Variants in SNTB1 observed in about 807,000 individuals in gnomAD.
SNTB1 encodes syntrophin beta 1.
SNTB1 carries 36 observed loss-of-function variants against 48.9 expected under a neutral mutation model. The ratio of observed to expected loss-of-function variants is 0.74; its 90% CI spans 0.56 to 0.97. The LOEUF (loss-of-function observed/expected upper bound fraction) is 0.97. SNTB1 is among the 50% of genes least tolerant of loss of function. SNTB1 has a pLI of 0.00. For synonymous variants in SNTB1, 299 were observed against 294.6 expected (o/e 1.01, Z -0.15); for missense variants, 786 against 703.4 (o/e 1.12, Z -1.33).
chr8:120,717,261 C>A (rs1371079794), intron 1 of SNTB1, among the ~76,000 whole-genome samples: 2 of 152,174 alleles, frequency 1.3e-5, no homozygotes, highest in South Asian at 4.1e-4. Context: ...GCTGCCTAGG[C>A]GATATGAAAT....
At chr8:120,554,880 A>G (rs1281758773) in intron 4 of SNTB1, among the ~76,000 whole-genome samples, 1 of 152,186 alleles carries the variant, frequency 6.6e-6, no homozygotes, top group Non-Finnish European at 1.5e-5. Flanking sequence ...TTTTGGACTC[A>G]GGGGTACTCT....
chr8:120,708,519 A>G (rs1818414143), intron 1 of SNTB1, among the ~76,000 whole-genome samples: 1 of 152,104 alleles, frequency 6.6e-6, no homozygotes, highest in Non-Finnish European at 1.5e-5. Flanking sequence ...AAAATTGCCC[A>G]TCCATTTTCC....
At chr8:120,669,287 C>T (rs1344258395) in intron 2 of SNTB1, among the ~76,000 whole-genome samples, 1 of 152,192 alleles carries the variant, frequency 6.6e-6, no homozygotes, top group Non-Finnish European at 1.5e-5. Context: ...ATTAATTTCA[C>T]TAGCACCATC....
intron 1 of SNTB1, among the ~76,000 whole-genome samples, chr8:120,766,098 C>T (rs1444391754): frequency 6.6e-6 from 1 of 152,124 alleles, no homozygotes; most frequent in Non-Finnish European, 1.5e-5. Context: ...TATACTGGCA[C>T]TAAAGAACTG....
chr8:120,656,591 T>C (rs565810044), intron 2 of SNTB1, among the ~76,000 whole-genome samples: 16 of 152,348 alleles, frequency 1.1e-4, no homozygotes, highest in East Asian at 9.6e-4. Context: ...CAAGGTGCTA[T>C]GCAGGGCAAA....
intron 2 of SNTB1, among the ~76,000 whole-genome samples, chr8:120,634,937 C>T (rs1429338850): frequency 3.3e-5 from 5 of 151,684 alleles, no homozygotes; most frequent in South Asian, 2.1e-4. Context: ...CTGCAAGCTC[C>T]GCCTCCCAGG....
intron 1 of SNTB1, among the ~76,000 whole-genome samples, chr8:120,725,829 C>A (rs761202368): frequency 4.3e-4 from 66 of 152,190 alleles, no homozygotes; most frequent in Admixed American, 2.4e-3. Flanking sequence ...TCTCCCCAGA[C>A]AGGAGAGCTT....
At chr8:120,596,958 C>T (rs1309363843) in intron 3 of SNTB1, among the ~76,000 whole-genome samples, 1 of 152,188 alleles carries the variant, frequency 6.6e-6, no homozygotes, top group African/African-American at 2.4e-5. Flanking sequence ...GTGGTCCCCC[C>T]ACAAATGATG....
intron 1 of SNTB1, among the ~76,000 whole-genome samples, chr8:120,727,378 C>CTATTTACTTG (rs1818775344): frequency 6.6e-6 from 1 of 152,126 alleles, no homozygotes. Context: ...ACGTTGGGGT[C>CTATTTACTTG]AGCCAGATGA....
intron 2 of SNTB1, among the ~76,000 whole-genome samples, chr8:120,645,418 G>A (rs1343576655): frequency 6.7e-6 from 1 of 150,028 alleles, no homozygotes; most frequent in Non-Finnish European, 1.5e-5. Context: ...TATTAAATAG[G>A]GAATCCTTTC....
chr8:120,601,543 C>T (rs1336243470), intron 3 of SNTB1, among the ~76,000 whole-genome samples: 6 of 152,128 alleles, frequency 3.9e-5, no homozygotes, highest in Non-Finnish European at 8.8e-5. Context: ...AAGTCCTTTA[C>T]AAAACAAAAA....
At chr8:120,705,850 A>G (rs574280199) in intron 1 of SNTB1, among the ~76,000 whole-genome samples, 1 of 152,206 alleles carries the variant, frequency 6.6e-6, no homozygotes. Context: ...GGGTCTTAGA[A>G]TCCTCATCTG....
At chr8:120,578,612 A>G (rs1815987786) in intron 3 of SNTB1, among the ~76,000 whole-genome samples, 1 of 152,220 alleles carries the variant, frequency 6.6e-6, no homozygotes, top group South Asian at 2.1e-4. Context: ...GAAAGGCAAC[A>G]GGGGAATAAA....
At chr8:120,762,883 G>A (rs1049304904) in intron 1 of SNTB1, among the ~76,000 whole-genome samples, 1 of 152,104 alleles carries the variant, frequency 6.6e-6, no homozygotes, top group African/African-American at 2.4e-5. Flanking sequence ...AATATTTATC[G>A]AAAACTTAAA....
intron 1 of SNTB1, among the ~76,000 whole-genome samples, chr8:120,801,225 T>C (rs1356138083): frequency 1.3e-5 from 2 of 152,032 alleles, no homozygotes; most frequent in Non-Finnish European, 2.9e-5. Context: ...ATGAAAGTAT[T>C]TGAAATGCAA....
intron 2 of SNTB1, among the ~76,000 whole-genome samples, chr8:120,664,525 A>G (rs1817642610): frequency 6.6e-6 from 1 of 152,230 alleles, no homozygotes; most frequent in Non-Finnish European, 1.5e-5. Context: ...ATAAAATCAT[A>G]CAGTATGTCT....
intron 3 of SNTB1, among the ~76,000 whole-genome samples, chr8:120,590,680 C>CTTTTTTTTTTTTTT (rs201399849): frequency 1.5e-5 from 2 of 131,004 alleles, no homozygotes; most frequent in Non-Finnish European, 3.1e-5. Flanking sequence ...GTTTTCTTTT[C>CTTTTTTTTTTTTTT]TTTTCTTTTT....
intron 5 of SNTB1, among the ~76,000 whole-genome samples, chr8:120,545,422 G>T (rs1213609011): frequency 1.3e-5 from 2 of 152,182 alleles, no homozygotes; most frequent in Admixed American, 6.5e-5. Flanking sequence ...GTTCCCATGG[G>T]CCAGCAGCAT....
chr8:120,638,784 T>C (rs1217532052), intron 2 of SNTB1, among the ~76,000 whole-genome samples: 1 of 152,232 alleles, frequency 6.6e-6, no homozygotes, highest in Non-Finnish European at 1.5e-5. Flanking sequence ...TGTGCCACAT[T>C]TTCTTTATCC....
Sources: gnomAD v4.1 joint callset for allele counts (sites outside exome capture counted in the v4.1 genomes callset) on GRCh38, gnomAD v4.1.1 for gene constraint, MANE v1.5 for transcripts, NCBI Gene and HGNC (gene_info 2026-07-23, HGNC 2026-07-21) for gene names.